Variants in KCNIP4 observed in about 807,000 individuals in gnomAD.
The protein encoded by KCNIP4 is Kv channel-interacting protein 4.
In KCNIP4, 12 loss-of-function variants were observed where a neutral mutation model predicts 34.0. The observed-to-expected ratio is 0.35, with a 90% confidence interval of 0.23 to 0.57. KCNIP4 has a LOEUF of 0.57. Among genes scored for constraint, KCNIP4 ranks in the 20% least tolerant of loss-of-function variants. The pLI, the probability that KCNIP4 is intolerant of heterozygous loss-of-function variation, is 0.83. For missense variants in KCNIP4, 238 were observed against 311.7 expected, an observed-to-expected ratio of 0.76 and a Z score of 1.78; for synonymous variants, 124 against 102.2, an observed-to-expected ratio of 1.21 and a Z score of -1.29.
At chr4:21,503,448 AAT>A (rs1303605069) in intron 1 of KCNIP4, among the ~76,000 whole-genome samples, 2 of 152,224 alleles carry the variant, frequency 1.3e-5, no homozygotes, top group Non-Finnish European at 2.9e-5. Flanking sequence ...TGAATCATAT[AAT>A]AGCAATTTCA....
intron 1 of KCNIP4, among the ~76,000 whole-genome samples, chr4:21,798,702 C>A (rs2109248519): frequency 6.6e-6 from 1 of 151,940 alleles, no homozygotes; most frequent in South Asian, 2.1e-4. Context: ...GAAGAAATAT[C>A]TACTTTCAAT....
intron 1 of KCNIP4, among the ~76,000 whole-genome samples, chr4:21,516,211 T>C (rs1480684167): frequency 6.6e-6 from 1 of 152,148 alleles, no homozygotes; most frequent in Admixed American, 6.5e-5. Flanking sequence ...TCAGAAAAAG[T>C]TGTCATTTCC....
At position 21,718,773 on chromosome 4, in the gene KCNIP4, A is replaced by G. The variant is rs1056592011; in HGVS notation, c.61+229798T>C. On this transcript the variant is annotated intron_variant, in intron 1 of 8. Transcript: ENST00000382152. ...ACAGTGCAAGTAATGACTCCACAAG[A>G]CAGCGCAAGTAATGACTCTATAGCC... The G allele has an allele frequency of 2.6e-5, 4 of 152,338 alleles. No individual in the cohort carries two copies. In the South Asian group the frequency reaches 6.2e-4, roughly 24 times the overall value. 9.4% of individuals were successfully genotyped at this position (152,338 alleles called of 1,614,324 possible).
At chr4:21,777,026 A>G (rs1416303120) in intron 1 of KCNIP4, among the ~76,000 whole-genome samples, 1 of 151,948 alleles carries the variant, frequency 6.6e-6, no homozygotes, top group Non-Finnish European at 1.5e-5. Context: ...GCCCACCTCA[A>G]CTTCCCAAAG....
intron 1 of KCNIP4, among the ~76,000 whole-genome samples, chr4:21,876,136 T>A (rs897388768): frequency 3.3e-5 from 5 of 152,086 alleles, no homozygotes; most frequent in African/African-American, 1.2e-4. Context: ...TATAAAAATA[T>A]TACAAAAGTA....
chr4:21,719,018 C>G (rs150381889), intron 1 of KCNIP4: 73 of 152,240 alleles, frequency 4.8e-4, no homozygotes, highest in African/African-American at 1.6e-3. Flanking sequence ...AAGAACCTAA[C>G]AAACAAAACA....
intron 1 of KCNIP4, among the ~76,000 whole-genome samples, chr4:21,021,522 T>C (rs1320359471): frequency 1.3e-5 from 2 of 152,148 alleles, no homozygotes; most frequent in Non-Finnish European, 1.5e-5. Context: ...ACAAAAATGT[T>C]TTCTTTCTTT....
intron 1 of KCNIP4, among the ~76,000 whole-genome samples, chr4:21,491,048 T>A (rs1329420583): frequency 6.9e-6 from 1 of 145,740 alleles, no homozygotes; most frequent in African/African-American, 2.6e-5. Flanking sequence ...GCTTATACTA[T>A]TTTTTTTAAA....
At chr4:21,914,102 A>G (rs1728494657) in intron 1 of KCNIP4, among the ~76,000 whole-genome samples, 1 of 152,068 alleles carries the variant, frequency 6.6e-6, no homozygotes, top group Non-Finnish European at 1.5e-5. Context: ...TTCATCCAAG[A>G]GCTATGGAAA....
At chr4:21,071,581 T>C (rs985888118) in intron 1 of KCNIP4, among the ~76,000 whole-genome samples, 2 of 152,184 alleles carry the variant, frequency 1.3e-5, no homozygotes, top group African/African-American at 4.8e-5. Context: ...TCTATACAAT[T>C]TTTAGAATAG....
At chr4:20,895,023 A>G (rs1440921678) in intron 1 of KCNIP4, among the ~76,000 whole-genome samples, 3 of 152,212 alleles carry the variant, frequency 2.0e-5, no homozygotes, top group African/African-American at 7.2e-5. Context: ...TTGATGGTAA[A>G]GATGCACGCA....
At chr4:20,998,267 G>A (rs73099824) in intron 1 of KCNIP4, among the ~76,000 whole-genome samples, 2,038 of 152,266 alleles carry the variant, frequency 0.013, 43 homozygotes, top group African/African-American at 0.045. Flanking sequence ...CATCAGAGAC[G>A]CTGGATCATT....
At chr4:21,507,407 G>A (rs2109910039) in intron 1 of KCNIP4, among the ~76,000 whole-genome samples, 1 of 152,028 alleles carries the variant, frequency 6.6e-6, no homozygotes, top group African/African-American at 2.4e-5. Flanking sequence ...TGGGACTACA[G>A]GGACATGCCG....
chr4:21,029,684 C>G (rs1225004266), intron 1 of KCNIP4, among the ~76,000 whole-genome samples: 1 of 152,194 alleles, frequency 6.6e-6, no homozygotes, highest in East Asian at 1.9e-4. Context: ...TTGGACACTA[C>G]TTGACTCTTT....
chr4:20,872,893 G>A (rs796157466), intron 2 of KCNIP4, among the ~76,000 whole-genome samples: 2 of 152,210 alleles, frequency 1.3e-5, no homozygotes, highest in African/African-American at 4.8e-5. Context: ...AAAAATTTGT[G>A]TTATTCAAGT....
intron 1 of KCNIP4, among the ~76,000 whole-genome samples, chr4:21,604,246 T>C (rs926632534): frequency 6.6e-6 from 1 of 152,148 alleles, no homozygotes; most frequent in Non-Finnish European, 1.5e-5. Flanking sequence ...GCCCATTAAA[T>C]TGTTTAGAAA....
chr4:21,503,480 C>A (rs1268886945), intron 1 of KCNIP4, among the ~76,000 whole-genome samples: 1 of 152,114 alleles, frequency 6.6e-6, no homozygotes, highest in Admixed American at 6.6e-5. Context: ...AGTAACATAA[C>A]CAGTTATATT....
chr4:21,340,578 A>G (rs1716656368), intron 1 of KCNIP4, among the ~76,000 whole-genome samples: 1 of 151,996 alleles, frequency 6.6e-6, no homozygotes, highest in South Asian at 2.1e-4. Flanking sequence ...ATTATCACAC[A>G]CATCTTCTAA....
At chr4:20,918,399 T>C (rs955432004) in intron 1 of KCNIP4, among the ~76,000 whole-genome samples, 1 of 152,196 alleles carries the variant, frequency 6.6e-6, no homozygotes, top group Non-Finnish European at 1.5e-5. Context: ...TCATGGGTAC[T>C]AGATACAGGA....
Sources: gnomAD v4.1 joint callset for allele counts (sites outside exome capture counted in the v4.1 genomes callset) on GRCh38, gnomAD v4.1.1 for gene constraint, MANE v1.5 for transcripts, NCBI Gene and HGNC (gene_info 2026-07-23, HGNC 2026-07-21) for gene names.